Variants in COL15A1 observed in about 807,000 individuals in gnomAD.
COL15A1 encodes collagen alpha-1(XV) chain.
COL15A1 carries 111 observed loss-of-function variants against 165.9 expected under a neutral mutation model. The observed-to-expected ratio is 0.67, with a 90% CI of 0.57 to 0.78. The LOEUF (loss-of-function observed/expected upper bound fraction) is 0.78. Among genes scored for constraint, COL15A1 ranks in the 30% least tolerant of loss-of-function variants. The pLI is 0.00. For missense variants in COL15A1, 1,745 were observed against 1,789.7 expected, an observed-to-expected ratio of 0.98 and a Z score of 0.45; for synonymous variants, 659 against 674.8, an observed-to-expected ratio of 0.98 and a Z score of 0.36.
At chr9:99,040,737 T>C (rs937587535) in intron 23 of COL15A1, 181 bp downstream of exon 23, 5 of 1,084,824 alleles carry the variant, frequency 4.6e-6, no homozygotes, top group Non-Finnish European at 6.6e-6. Context: ...CAGGCTGGTC[T>C]GGAACTCCTG....
intron 2 of COL15A1, among the ~76,000 whole-genome samples, chr9:98,974,276 T>C (rs1410452600): frequency 6.6e-6 from 1 of 152,132 alleles, no homozygotes; most frequent in African/African-American, 2.4e-5. Context: ...AGGAAGCTCC[T>C]CCCCAGGTGG....
chr9:99,055,646 C>T (rs1358072017), intron 34 of COL15A1, among the ~76,000 whole-genome samples: 3 of 152,180 alleles, frequency 2.0e-5, no homozygotes, highest in African/African-American at 7.2e-5. Context: ...AAATTCACTC[C>T]ACACAAAGAA....
chr9:99,026,221 C>T (rs1483044321), intron 16 of COL15A1, among the ~76,000 whole-genome samples: 2 of 152,182 alleles, frequency 1.3e-5, no homozygotes, highest in East Asian at 1.9e-4. Context: ...TCACCTGGAG[C>T]GAGAAATGGA....
At chr9:98,969,792 TCAGA>T (rs1259714831) in intron 2 of COL15A1, among the ~76,000 whole-genome samples, 1 of 152,196 alleles carries the variant, frequency 6.6e-6, no homozygotes, top group East Asian at 1.9e-4. Flanking sequence ...ATGCCTCGCA[TCAGA>T]CAGATGAGGG....
chr9:99,035,187 G>A (rs1185036332), intron 18 of COL15A1, 33 bp downstream of exon 18: 1 of 1,580,230 alleles, frequency 6.3e-7, no homozygotes, highest in South Asian at 1.2e-5. Flanking sequence ...TTATAAAAAT[G>A]ATGTGTACTA....
At chr9:98,971,553 C>G (rs1304925902) in intron 2 of COL15A1, among the ~76,000 whole-genome samples, 1 of 152,112 alleles carries the variant, frequency 6.6e-6, no homozygotes, top group African/African-American at 2.4e-5. Flanking sequence ...ACTGTGCCAC[C>G]TAGTCCACAT....
intron 4 of COL15A1, among the ~76,000 whole-genome samples, chr9:98,988,065 C>T (rs1838347516): frequency 6.6e-6 from 1 of 152,104 alleles, no homozygotes; most frequent in Non-Finnish European, 1.5e-5. Flanking sequence ...GGTGAGGCCT[C>T]CCAGGGAGAA....
intron 2 of COL15A1, among the ~76,000 whole-genome samples, chr9:98,949,816 C>A (rs530679002): frequency 9.2e-5 from 14 of 152,294 alleles, no homozygotes; most frequent in African/African-American, 3.4e-4. Flanking sequence ...AAAGAAATAT[C>A]TATGCCCATT....
intron 2 of COL15A1, among the ~76,000 whole-genome samples, chr9:98,954,715 C>T (rs1004924280): frequency 6.6e-6 from 1 of 152,150 alleles, no homozygotes; most frequent in Non-Finnish European, 1.5e-5. Context: ...ATTTTTAAGG[C>T]TTTTGTTGCA....
At chr9:99,025,791 C>T (rs1473398736) in intron 15 of COL15A1, 113 bp from the exon 16 acceptor site, 8 of 1,113,844 alleles carry the variant, frequency 7.2e-6, no homozygotes, top group African/African-American at 1.5e-5. Flanking sequence ...GACATGAGGC[C>T]CTGGGCCCAC....
intron 13 of COL15A1, among the ~76,000 whole-genome samples, chr9:99,022,731 C>T (rs1420060307): frequency 2.6e-5 from 4 of 152,256 alleles, no homozygotes; most frequent in Admixed American, 6.5e-5. Flanking sequence ...TCAGTACACA[C>T]ACATTCAATG....
intron 34 of COL15A1, 74 bp downstream of exon 34, chr9:99,055,446 C>T: frequency 1.2e-6 from 1 of 864,020 alleles, no homozygotes; most frequent in Non-Finnish European, 2.0e-6. Flanking sequence ...TGGGACTAGG[C>T]AGTTAGGGCT....
chr9:99,027,021 C>T (rs1839137859), intron 16 of COL15A1, among the ~76,000 whole-genome samples: 2 of 152,248 alleles, frequency 1.3e-5, no homozygotes, highest in Non-Finnish European at 1.5e-5. Context: ...TCATCCTCTT[C>T]ATTCTCTGTC....
At chr9:98,975,602 G>A (rs1032948846) in intron 2 of COL15A1, among the ~76,000 whole-genome samples, 3 of 152,228 alleles carry the variant, frequency 2.0e-5, no homozygotes, top group Non-Finnish European at 1.5e-5. Flanking sequence ...GGACCCTTGG[G>A]AGGAAAGTCG....
At chr9:99,059,987 C>A in intron 36 of COL15A1, 34 bp downstream of exon 36, 2 of 1,607,030 alleles carry the variant, frequency 1.2e-6, no homozygotes, top group South Asian at 1.1e-5. Context: ...GTCATCATTC[C>A]ATTTGGGATA....
intron 39 of COL15A1, 78 bp downstream of exon 39, chr9:99,063,187 A>G (rs1201844718): frequency 7.1e-7 from 1 of 1,414,254 alleles, no homozygotes; most frequent in Non-Finnish European, 9.3e-7. Context: ...CTTAGTACAC[A>G]GTTCCTACCA....
chr9:99,001,266 A>G (rs1202725559), intron 7 of COL15A1, among the ~76,000 whole-genome samples: 1 of 152,208 alleles, frequency 6.6e-6, no homozygotes, highest in Non-Finnish European at 1.5e-5. Context: ...TAGCTTTATC[A>G]GCCCTTTGAG....
chr9:98,997,774 C>T (rs892218548), intron 6 of COL15A1: 6 of 152,402 alleles, frequency 3.9e-5, no homozygotes, highest in African/African-American at 7.2e-5. Flanking sequence ...AAAGCCCAGG[C>T]GTCAAACACT....
chr9:99,028,370 A>G (rs1839163538), intron 16 of COL15A1, among the ~76,000 whole-genome samples: 1 of 152,148 alleles, frequency 6.6e-6, no homozygotes, highest in South Asian at 2.1e-4. Flanking sequence ...ATGATATAAC[A>G]GGCTGGGTGC....
Sources: allele counts gnomAD v4.1 joint callset (sites outside exome capture counted in the v4.1 genomes callset), GRCh38; gene constraint gnomAD v4.1.1; transcripts MANE v1.5; gene names NCBI Gene and HGNC (gene_info 2026-07-23, HGNC 2026-07-21).